The following FKBP1B variants were observed in gnomAD, a reference collection of about 807,000 sequenced individuals.
FKBP1B encodes the protein FKBP prolyl isomerase 1B, also known as peptidyl-prolyl cis-trans isomerase FKBP1B.
In FKBP1B, 4 loss-of-function variants were observed where a neutral mutation model predicts 13.5. The ratio of observed to expected loss-of-function variants is 0.30; its 90% CI spans 0.15 to 0.68. FKBP1B has a LOEUF of 0.68. FKBP1B is among the 30% of genes least tolerant of loss of function. The pLI, the probability that FKBP1B is intolerant of heterozygous loss-of-function variation, is 0.76. For missense variants in FKBP1B, 93 were observed against 136.2 expected (o/e 0.68, Z 1.58); for synonymous variants, 54 against 53.6 (o/e 1.01, Z -0.03).
At chr2:24,049,239 G>C (rs1187022658), upstream of FKBP1B, among the ~76,000 whole-genome samples, 1 of 152,136 alleles carries the variant, frequency 6.6e-6, no homozygotes, top group African/African-American at 2.4e-5. Flanking sequence ...GGTTGCTCGC[G>C]CCTCTAGTCC....
At chr2:24,056,502 C>T (rs566614237) in intron 2 of FKBP1B, among the ~76,000 whole-genome samples, 3 of 151,962 alleles carry the variant, frequency 2.0e-5, no homozygotes, top group Non-Finnish European at 4.4e-5. Flanking sequence ...CACCACCACA[C>T]CCAGCTAATT....
chr2:24,059,378 G>GA (rs1273077865), intron 2 of FKBP1B, among the ~76,000 whole-genome samples: 1 of 151,914 alleles, frequency 6.6e-6, no homozygotes, highest in African/African-American at 2.4e-5. Flanking sequence ...CACCTGGGGG[G>GA]GGGTTCTGGT....
chr2:24,056,173 A>G (rs966659426), intron 2 of FKBP1B, among the ~76,000 whole-genome samples: 1 of 151,618 alleles, frequency 6.6e-6, no homozygotes, highest in African/African-American at 2.4e-5. Context: ...TGTTTCTAGT[A>G]GAGACGGTGT....
At chr2:24,035,115 G>A in the FKBP1B span, among the ~76,000 whole-genome samples, 1 of 151,432 alleles carries the variant, frequency 6.6e-6, no homozygotes, top group East Asian at 1.9e-4. Flanking sequence ...TTTCTCTAAA[G>A]GTTGGATTAT....
At chr2:24,060,036 T>G (rs968913384) in intron 2 of FKBP1B, among the ~76,000 whole-genome samples, 1 of 151,872 alleles carries the variant, frequency 6.6e-6, no homozygotes, top group African/African-American at 2.4e-5. Flanking sequence ...GTGAAGTGCC[T>G]GTATGCAAGG....
the FKBP1B span, chr2:24,038,260 G>A: frequency 1.1e-5 from 17 of 1,614,040 alleles, no homozygotes; most frequent in Non-Finnish European, 1.4e-5. Flanking sequence ...AGGAAGAAAT[G>A]TTGTATCAGT....
At chr2:24,037,301 G>C in the FKBP1B span, among the ~76,000 whole-genome samples, 2 of 152,228 alleles carry the variant, frequency 1.3e-5, no homozygotes, top group Non-Finnish European at 2.9e-5. Flanking sequence ...AGGATTACAG[G>C]CGTGAGCCAT....
At chr2:24,037,374 T>A in the FKBP1B span, among the ~76,000 whole-genome samples, 1 of 152,222 alleles carries the variant, frequency 6.6e-6, no homozygotes, top group African/African-American at 2.4e-5. Flanking sequence ...AAGGAAAAGG[T>A]TGTCACAATG....
At chr2:24,058,820 C>G (rs1257491358) in intron 2 of FKBP1B, among the ~76,000 whole-genome samples, 1 of 152,170 alleles carries the variant, frequency 6.6e-6, no homozygotes, top group Non-Finnish European at 1.5e-5. Context: ...CAAATGCATG[C>G]GATTGTATTT....
chr2:24,060,368 A>G (rs936979395), intron 2 of FKBP1B, among the ~76,000 whole-genome samples: 6 of 152,116 alleles, frequency 3.9e-5, no homozygotes, highest in African/African-American at 1.4e-4. Context: ...CCTAGCCAAT[A>G]TGGCAAAACC....
At chr2:24,049,013 C>T (rs1414676492), upstream of FKBP1B, among the ~76,000 whole-genome samples, 1 of 152,076 alleles carries the variant, frequency 6.6e-6, no homozygotes, top group Non-Finnish European at 1.5e-5. Context: ...GGGGGAGAGT[C>T]AGCAATTACT....
rs71395181 is a variant in FKBP1B, at chr2:24,059,372, T to TGGG, written c.86-1435_86-1433dup. On this transcript the variant is annotated intron_variant, in intron 2 of 3. Coordinates refer to ENST00000380986, the MANE Select transcript of FKBP1B (RefSeq NM_004116.5). ...GAACCAGAACTGCTGGACCAGCACC[T>TGGG]GGGGGGGGGTTCTGGTTTCAAACAG... 7.2e-3 allele frequency among the ~76,000 whole-genome samples: 1,041 copies of TGGG among 144,398 alleles called. 8 individuals are homozygous for TGGG. The highest frequency in any genetic ancestry group is 0.014 in the African/African-American group (516 of 36,748). 94.7% of individuals were successfully genotyped at this position (144,398 alleles called of 152,430 possible).
chr2:24,046,629 T>C (rs184410213), upstream of FKBP1B, among the ~76,000 whole-genome samples: 11 of 152,322 alleles, frequency 7.2e-5, no homozygotes, highest in East Asian at 2.1e-3. Context: ...TAAACAAAAG[T>C]ACATCCCTCC....
intron 2 of FKBP1B, among the ~76,000 whole-genome samples, chr2:24,055,356 A>T (rs114084056): frequency 6.6e-6 from 1 of 152,064 alleles, no homozygotes; most frequent in Non-Finnish European, 1.5e-5. Flanking sequence ...GACCACAGAC[A>T]TGAGCCACCA....
chr2:24,037,547 T>C, the FKBP1B span: 1 of 1,073,354 alleles, frequency 9.3e-7, no homozygotes. Context: ...CCAACTTGCC[T>C]GTAACATAAC....
chr2:24,051,988 C>T (rs1342666212), intron 1 of FKBP1B, among the ~76,000 whole-genome samples: 4 of 152,198 alleles, frequency 2.6e-5, no homozygotes, highest in African/African-American at 9.7e-5. Flanking sequence ...ATCTGTTCCT[C>T]CCGTCTTCCC....
At chr2:24,039,480 T>C in the FKBP1B span, 1 of 1,611,450 alleles carries the variant, frequency 6.2e-7, no homozygotes, top group East Asian at 2.2e-5. Context: ...GTAGTTTTCC[T>C]TTTCCCAACT....
chr2:24,052,921 C>T (rs1663945523), intron 1 of FKBP1B, among the ~76,000 whole-genome samples: 2 of 151,822 alleles, frequency 1.3e-5, no homozygotes, highest in African/African-American at 2.4e-5. Flanking sequence ...TGCACAGAGC[C>T]GAGATCATGC....
At chr2:24,036,152 T>A in the FKBP1B span, among the ~76,000 whole-genome samples, 1 of 150,382 alleles carries the variant, frequency 6.6e-6, no homozygotes. Flanking sequence ...AAAAAAAAAA[T>A]TAAAACTCTA....
Sources: gnomAD v4.1 joint callset for allele counts (sites outside exome capture counted in the v4.1 genomes callset) on GRCh38, gnomAD v4.1.1 for gene constraint, MANE v1.5 for transcripts, NCBI Gene and HGNC (gene_info 2026-07-23, HGNC 2026-07-21) for gene names.